HMCN1: variants seen among roughly 807,000 people sequenced by gnomAD.
The protein encoded by HMCN1 is hemicentin 1.
Under a neutral mutation model 625.9 loss-of-function variants are expected in HMCN1, and 321 were observed. The ratio of observed to expected loss-of-function variants is 0.51; its 90% CI spans 0.47 to 0.56. The LOEUF (loss-of-function observed/expected upper bound fraction) is 0.56, where lower values mean the gene tolerates loss of function less well. HMCN1 is among the 20% of genes least tolerant of loss of function. The pLI is 0.00. For synonymous variants in HMCN1, 2,425 were observed against 2,417.6 expected (o/e 1.00, Z -0.09); for missense variants, 6,588 against 6,887.3 (o/e 0.96, Z 1.54).
At chr1:185,925,332 A>G (rs924106008) in intron 9 of HMCN1, 141 bp downstream of exon 9, 74 of 788,340 alleles carry the variant, frequency 9.4e-5, no homozygotes, top group Non-Finnish European at 1.6e-4. Flanking sequence ...AATGGACACA[A>G]ATCTGTGCCG....
chr1:186,037,090 G>C (rs1030438291), intron 36 of HMCN1, among the ~76,000 whole-genome samples: 3 of 150,956 alleles, frequency 2.0e-5, no homozygotes, highest in African/African-American at 7.3e-5. Context: ...TGGATTTATT[G>C]ATTGTATGTG....
chr1:185,987,351 A>T lies in HMCN1; in HGVS notation c.2936-81A>T, dbSNP rs753231663. On this transcript the variant is annotated intron_variant, in intron 19 of 106. Transcript: ENST00000271588. ...TCATTTTTACAAACATTGATGTTGT[A>T]ATGAAAATGTTCAACTTTAAATAGA... 4.6e-5 allele frequency: 39 copies of T among 853,660 alleles called. 1 individual carries two copies. Among genetic ancestry groups the T allele is most frequent in the Non-Finnish European group, 7.8e-5 (38 of 488,830 alleles). The allele number at this position is 853,660 out of a possible 1,614,324, so 52.9% of individuals were successfully genotyped here. A position where few individuals can be genotyped will look rare whatever the true frequency, so the allele number is the denominator to read the frequency against.
At chr1:186,063,615 T>C (rs1372133098) in intron 48 of HMCN1, among the ~76,000 whole-genome samples, 1 of 152,194 alleles carries the variant, frequency 6.6e-6, no homozygotes, top group African/African-American at 2.4e-5. Context: ...AAATTTTTGT[T>C]TCCTTCCCTG....
chr1:186,070,384 G>A lies in HMCN1; in HGVS notation c.7994-228G>A, dbSNP rs1032222362. On this transcript the variant is annotated intron_variant, in intron 51 of 106. Coordinates refer to ENST00000271588, the MANE Select transcript of HMCN1 (RefSeq NM_031935.3). ...GCTAACTGTTCTGTAAAGGACATTAGCTTTATTGGCAGTATCACATGATAA... is the reference window on the plus strand; with the variant it reads ...GCTAACTGTTCTGTAAAGGACATTAACTTTATTGGCAGTATCACATGATAA... Among the ~76,000 whole-genome samples, 3 of 152,164 alleles carry A rather than the reference G, an allele frequency of 2.0e-5. No individual in the cohort carries two copies. The East Asian group carries it at 5.8e-4, about 29-fold the overall frequency.
At chr1:185,895,519 G>A (rs1665434085) in intron 4 of HMCN1, among the ~76,000 whole-genome samples, 1 of 152,184 alleles carries the variant, frequency 6.6e-6, no homozygotes, top group South Asian at 2.1e-4. Flanking sequence ...AATTCCAGAA[G>A]TTTGTACAGA....
At chr1:186,042,123 C>T (rs1656249112) in intron 40 of HMCN1, among the ~76,000 whole-genome samples, 1 of 152,118 alleles carries the variant, frequency 6.6e-6, no homozygotes, top group African/African-American at 2.4e-5. Context: ...GGCATCGGTA[C>T]ACTAGCAAAG....
intron 4 of HMCN1, among the ~76,000 whole-genome samples, chr1:185,900,393 C>T (rs1033095265): frequency 1.3e-5 from 2 of 151,878 alleles, no homozygotes; most frequent in Non-Finnish European, 2.9e-5. Context: ...TCATATAAAT[C>T]GAAATGTCCT....
chr1:186,155,389 C>T (rs767871466), intron 97 of HMCN1, among the ~76,000 whole-genome samples: 21 of 152,106 alleles, frequency 1.4e-4, no homozygotes, highest in African/African-American at 3.9e-4. Context: ...ACAAAAGAAA[C>T]GAGCTGCCAG....
chr1:186,130,111 G>A lies in HMCN1; in HGVS notation c.13039+11G>A. On this transcript the variant is annotated intron_variant, in intron 84 of 106. Transcript: ENST00000271588. ...TTGTTTATGTGAAAGGTAGGGAAAA[G>A]CGCTCCATTTTTAATTTATAATGCA... is the stretch of plus-strand genomic sequence containing the variant. 1 of 1,612,850 alleles carries A rather than the reference G, an allele frequency of 6.2e-7. No homozygotes were observed. The highest frequency in any genetic ancestry group is 8.5e-7 in the Non-Finnish European group (1 of 1,179,136).
At chr1:186,123,340 G>C in intron 81 of HMCN1, 120 bp downstream of exon 81, 1 of 1,195,256 alleles carries the variant, frequency 8.4e-7, no homozygotes, top group Admixed American at 2.0e-5. Context: ...CAAAGTGTGT[G>C]TGGGGGTGTG....
At chr1:185,744,361 A>T (rs983471469) in intron 1 of HMCN1, among the ~76,000 whole-genome samples, 2 of 152,040 alleles carry the variant, frequency 1.3e-5, no homozygotes, top group African/African-American at 4.8e-5. Flanking sequence ...AACGACTATA[A>T]TATATATTCT....
Position 185,909,316 on chromosome 1 carries a change from A to G in HMCN1, c.622-21A>G, listed in dbSNP as rs770947867. 9 of 1,593,732 alleles carry G rather than the reference A, an allele frequency of 5.6e-6. No individual in the cohort carries two copies. In the Admixed American group the frequency reaches 6.7e-5, roughly 12 times the overall value. The stretch of plus-strand genomic sequence containing the variant: ...GCGAATGTTTTCTGATATCACTTAC[A>G]CTTCTCTTTCTCTCTTATAGGTATT... On this transcript the variant is annotated intron_variant, in intron 4 of 106. Coordinates refer to ENST00000271588, the MANE Select transcript of HMCN1 (RefSeq NM_031935.3).
chr1:185,980,919 G>A (rs1206127267), intron 16 of HMCN1, 59 bp from the exon 17 acceptor site: 1 of 1,029,022 alleles, frequency 9.7e-7, no homozygotes, highest in Non-Finnish European at 1.5e-6. Flanking sequence ...CACTGTTTCT[G>A]GCACATAGTT....
intron 1 of HMCN1, among the ~76,000 whole-genome samples, chr1:185,747,696 A>T (rs932857795): frequency 6.6e-6 from 1 of 152,158 alleles, no homozygotes; most frequent in Non-Finnish European, 1.5e-5. Context: ...TAATTTTGAG[A>T]TGGGGAAAAT....
intron 6 of HMCN1, among the ~76,000 whole-genome samples, chr1:185,915,697 G>A (rs147704563): frequency 4.2e-4 from 64 of 152,058 alleles, no homozygotes; most frequent in Non-Finnish European, 6.9e-4. Flanking sequence ...TACTGGGTAA[G>A]GATATTTTAA....
chr1:186,152,661 T>C, intron 95 of HMCN1, 89 bp from the exon 96 acceptor site: 2 of 1,526,002 alleles, frequency 1.3e-6, no homozygotes, highest in Non-Finnish European at 1.8e-6. Context: ...TCAAAAAGCA[T>C]AGCTGAACTG....
intron 1 of HMCN1, among the ~76,000 whole-genome samples, chr1:185,796,631 T>C (rs897436242): frequency 1.2e-4 from 17 of 141,516 alleles, no homozygotes; most frequent in African/African-American, 4.7e-4. Flanking sequence ...TGTGTCTGTG[T>C]GTGTGTGTGT....
At chr1:185,791,632 G>T (rs913370881) in intron 1 of HMCN1, among the ~76,000 whole-genome samples, 2 of 152,110 alleles carry the variant, frequency 1.3e-5, no homozygotes, top group African/African-American at 4.8e-5. Flanking sequence ...GGAGGCAGGA[G>T]AATCACTTGA....
At chr1:186,025,563 G>A (rs1212050897) in intron 36 of HMCN1, among the ~76,000 whole-genome samples, 1 of 152,182 alleles carries the variant, frequency 6.6e-6, no homozygotes, top group Non-Finnish European at 1.5e-5. Flanking sequence ...AGGACTGACT[G>A]AAAACCAGAG....
Sources: gnomAD v4.1 joint callset for allele counts (sites outside exome capture counted in the v4.1 genomes callset) on GRCh38, gnomAD v4.1.1 for gene constraint, MANE v1.5 for transcripts, NCBI Gene and HGNC (gene_info 2026-07-23, HGNC 2026-07-21) for gene names.